WWOX: variants seen among roughly 807,000 people sequenced by gnomAD.
WWOX encodes WW domain containing oxidoreductase, also known as WW domain-containing oxidoreductase.
In WWOX, 69 loss-of-function variants were observed where a neutral mutation model predicts 46.2. The observed-to-expected ratio is 1.49, with a 90% CI of 1.23 to 1.82. WWOX has a LOEUF of 1.82. Ranked by LOEUF, WWOX falls within the 40% of genes most tolerant of loss-of-function variation. The probability of loss-of-function intolerance (pLI) is 0.00; values close to 1 mark genes in which losing one functional copy is unlikely to be tolerated. For synonymous variants in WWOX, 359 were observed against 202.6 expected (o/e 1.77, Z -6.56); for missense variants, 919 against 542.6 (o/e 1.69, Z -6.89).
intron 8 of WWOX, among the ~76,000 whole-genome samples, chr16:78,884,934 C>A (rs1022883215): frequency 1.3e-5 from 2 of 152,162 alleles, no homozygotes; most frequent in Non-Finnish European, 2.9e-5. Flanking sequence ...CTTTTCCCAT[C>A]AATTCATGTT....
chr16:78,317,379 G>A (rs2080376432), intron 5 of WWOX, among the ~76,000 whole-genome samples: 1 of 152,106 alleles, frequency 6.6e-6, no homozygotes, highest in Non-Finnish European at 1.5e-5. Flanking sequence ...ACAGTGTGAT[G>A]GAGACTGGAT....
chr16:78,555,457 C>T (rs2044271427), intron 8 of WWOX, among the ~76,000 whole-genome samples: 1 of 152,096 alleles, frequency 6.6e-6, no homozygotes, highest in African/African-American at 2.4e-5. Context: ...TACTTATTCT[C>T]TTTGCACCTC....
At chr16:78,189,086 G>A (rs1567620349) in intron 5 of WWOX, among the ~76,000 whole-genome samples, 1 of 152,304 alleles carries the variant, frequency 6.6e-6, no homozygotes, top group East Asian at 1.9e-4. Context: ...AGCTGTGGCT[G>A]AGAACGTGCA....
At chr16:79,094,213 G>T (rs925526412) in intron 8 of WWOX, among the ~76,000 whole-genome samples, 7 of 151,376 alleles carry the variant, frequency 4.6e-5, no homozygotes, top group Non-Finnish European at 1.0e-4. Context: ...ACTTTTGCCA[G>T]CGCTCTCGTC....
intron 8 of WWOX, among the ~76,000 whole-genome samples, chr16:78,600,718 T>C (rs1044046660): frequency 2.0e-5 from 3 of 152,176 alleles, no homozygotes; most frequent in Non-Finnish European, 4.4e-5. Context: ...AATAGGGCCA[T>C]GAAAGCATAA....
chr16:78,471,859 T>C (rs1363211272), intron 8 of WWOX, among the ~76,000 whole-genome samples: 2 of 152,256 alleles, frequency 1.3e-5, no homozygotes, highest in African/African-American at 4.8e-5. Flanking sequence ...TTTTACATTT[T>C]AATGTACCAA....
intron 8 of WWOX, among the ~76,000 whole-genome samples, chr16:78,439,266 T>A (rs897454770): frequency 6.6e-6 from 1 of 152,224 alleles, no homozygotes; most frequent in Non-Finnish European, 1.5e-5. Flanking sequence ...GTTTGAATTT[T>A]CTGGTTGCCT....
At chr16:78,320,515 C>T (rs1025889420) in intron 5 of WWOX, among the ~76,000 whole-genome samples, 10 of 152,146 alleles carry the variant, frequency 6.6e-5, no homozygotes, top group Non-Finnish European at 1.5e-4. Context: ...CCCGTAAGAG[C>T]ATTATTCCCC....
At chr16:79,135,248 A>C (rs941072083) in intron 8 of WWOX, among the ~76,000 whole-genome samples, 2 of 152,232 alleles carry the variant, frequency 1.3e-5, no homozygotes, top group Non-Finnish European at 2.9e-5. Flanking sequence ...ATAAATATGC[A>C]TTCATATTTT....
At chr16:79,044,023 C>G (rs151158144) in intron 8 of WWOX, among the ~76,000 whole-genome samples, 26 of 152,320 alleles carry the variant, frequency 1.7e-4, no homozygotes, top group Non-Finnish European at 3.4e-4. Flanking sequence ...TGTGCTCTCT[C>G]CTAGAGCCAG....
intron 5 of WWOX, among the ~76,000 whole-genome samples, chr16:78,272,716 A>G (rs1857791014): frequency 6.6e-6 from 1 of 152,232 alleles, no homozygotes; most frequent in South Asian, 2.1e-4. Flanking sequence ...CAACGTTCCC[A>G]TTTTTACCTA....
At chr16:78,993,205 G>C (rs1466701899) in intron 8 of WWOX, among the ~76,000 whole-genome samples, 1 of 152,020 alleles carries the variant, frequency 6.6e-6, no homozygotes, top group Non-Finnish European at 1.5e-5. Context: ...CTGTGACAAA[G>C]GGAAATCAGT....
intron 8 of WWOX, among the ~76,000 whole-genome samples, chr16:78,548,126 G>A (rs554918841): frequency 3.8e-5 from 5 of 133,310 alleles, no homozygotes; most frequent in African/African-American, 1.4e-4. Context: ...CTGCACTCCA[G>A]CCTGGGTGAC....
chr16:78,627,851 T>G (rs942640824), intron 8 of WWOX, among the ~76,000 whole-genome samples: 1 of 152,342 alleles, frequency 6.6e-6, no homozygotes, highest in East Asian at 1.9e-4. Context: ...ACAGTGTTAG[T>G]CAACATCAAA....
intron 8 of WWOX, among the ~76,000 whole-genome samples, chr16:78,566,598 G>A (rs184636430): frequency 8.9e-4 from 135 of 152,266 alleles, no homozygotes; most frequent in African/African-American, 3.2e-3. Context: ...AGAGGCAGCC[G>A]GAAGCTGTGG....
rs73564540 is a variant in WWOX, at chr16:78,133,251, A to G, written c.409+18097A>G. On this transcript the variant is annotated intron_variant, in intron 4 of 8. Transcript: ENST00000566780. ...TAAACTGAGAAGTACCTGAAAGTGA[A>G]AATTTTATTTATTTTTACTTTTTTT... 7.3e-3 allele frequency among the ~76,000 whole-genome samples: 1,113 copies of G among 152,286 alleles called. 16 individuals are homozygous for G. Among genetic ancestry groups the G allele is most frequent in the African/African-American group, 0.026 (1,071 of 41,566 alleles).
intron 5 of WWOX, among the ~76,000 whole-genome samples, chr16:78,252,118 C>A (rs1482693305): frequency 6.6e-6 from 1 of 152,162 alleles, no homozygotes; most frequent in Non-Finnish European, 1.5e-5. Flanking sequence ...AGGGAGCACA[C>A]AGAGGTGCCC....
At position 78,290,259 on chromosome 16, in the gene WWOX, C is replaced by T. The variant is rs186712988; in HGVS notation, c.517-96601C>T. Among the ~76,000 whole-genome samples, 18 of 152,194 alleles carry T rather than the reference C, an allele frequency of 1.2e-4. No homozygotes were observed. In the East Asian group the frequency reaches 3.1e-3, roughly 26 times the overall value. ...GCGAGCACTCTGCGAGCGGACATGT[C>T]GATATCAGCTCCCTCCTCGTTCCCC... On this transcript the variant is annotated intron_variant, in intron 5 of 8. Transcript: ENST00000566780.
In WWOX at chr16:78,596,439, A is replaced by AACCCACAGCAGGAATAGCCAGTCCT. The variant is rs572323472; in HGVS notation, c.1056+163688_1056+163712dup. ...GTGGGATGACACAGGCTGCTGTGGC[A>AACCCACAGCAGGAATAGCCAGTCCT]ACCCACAGCAGGAATAGCCAGTCCT... On this transcript the variant is annotated intron_variant, in intron 8 of 8. Transcript: ENST00000566780. Among the ~76,000 whole-genome samples the AACCCACAGCAGGAATAGCCAGTCCT allele has an allele frequency of 8.0e-3, 1,217 of 152,224 alleles. 9 individuals are homozygous for AACCCACAGCAGGAATAGCCAGTCCT. The highest frequency in any genetic ancestry group is 0.02 in the Middle Eastern group (6 of 294).
Sources: allele counts gnomAD v4.1 joint callset (sites outside exome capture counted in the v4.1 genomes callset), GRCh38; gene constraint gnomAD v4.1.1; transcripts MANE v1.5; gene names NCBI Gene and HGNC (gene_info 2026-07-23, HGNC 2026-07-21).